Variants in DNM1 observed in about 807,000 individuals in gnomAD.
DNM1 encodes the protein dynamin 1.
A neutral mutation model predicts 104.6 loss-of-function variants in DNM1; 29 were observed. The observed-to-expected ratio is 0.28, with a 90% CI of 0.21 to 0.38. DNM1 has a LOEUF of 0.38. Among genes scored for constraint, DNM1 ranks in the 10% least tolerant of loss-of-function variants. The pLI, the probability that DNM1 is intolerant of heterozygous loss-of-function variation, is 1.00. For missense variants in DNM1, 640 were observed against 1,189.4 expected (o/e 0.54, Z 6.79); for synonymous variants, 445 against 475.8 (o/e 0.94, Z 0.84).
rs1386702982 is a variant in DNM1, at chr9:128,220,991, TTC to T, written c.849+651_849+652del. On this transcript the variant is annotated intron_variant, in intron 6 of 21. Coordinates refer to ENST00000372923, the MANE Select transcript of DNM1 (RefSeq NM_004408.4). The surrounding 1 kb of genome is among the most constrained non-coding windows in gnomAD (Gnocchi z 5.2). The stretch of plus-strand genomic sequence containing the variant: ...TCTTTCTTTCTCTTTCTTTCTTTCT[TTC>T]CCTTCCTTCCTTCCTTCCTTCCTTT... 58 of 126,972 alleles carry T rather than the reference TTC, an allele frequency of 4.6e-4. No homozygotes were observed. The highest frequency in any genetic ancestry group is 1.7e-3 in the African/African-American group (47 of 28,306). The allele number at this position is 126,972 out of a possible 1,614,324, so 7.9% of individuals were successfully genotyped here.
At chr9:128,226,732 C>T (rs984993101) in intron 10 of DNM1, among the ~76,000 whole-genome samples, 3 of 152,166 alleles carry the variant, frequency 2.0e-5, no homozygotes, top group Admixed American at 6.5e-5. Context: ...GAGACAGGGG[C>T]GGTCTCTTTT....
At position 128,245,519 on chromosome 9, in the gene DNM1, A is replaced by C. The variant is rs1158110348; in HGVS notation, c.1672-875A>C. ...CCCTGGGACACAGCAGCCTACATACACATGTGCCCACACCGAGCACACACA... is the reference window on the plus strand; with the variant it reads ...CCCTGGGACACAGCAGCCTACATACCCATGTGCCCACACCGAGCACACACA... On this transcript the variant is annotated intron_variant, in intron 15 of 21. Coordinates refer to ENST00000372923, the MANE Select transcript of DNM1 (RefSeq NM_004408.4). This position sits in a 1 kb window ranked among gnomAD's most constrained non-coding sequence, Gnocchi z 5.2. Among the ~76,000 whole-genome samples, 1 of 152,022 alleles carries C rather than the reference A, an allele frequency of 6.6e-6. No homozygotes were observed. Among genetic ancestry groups the C allele is most frequent in the African/African-American group, 2.4e-5 (1 of 41,372 alleles).
At chr9:128,239,800 C>A in intron 13 of DNM1, 21 bp downstream of exon 13, 1 of 1,610,414 alleles carries the variant, frequency 6.2e-7, no homozygotes. Flanking sequence ...CCCAGCACCC[C>A]AGCCCGAGGG....
At chr9:128,235,982 A>G (rs1449376765) in intron 11 of DNM1, among the ~76,000 whole-genome samples, 1 of 151,928 alleles carries the variant, frequency 6.6e-6, no homozygotes, top group Non-Finnish European at 1.5e-5. Context: ...CAAAATGCTG[A>G]GATTACGAGC....
chr9:128,237,048 T>C (rs1836058276), intron 11 of DNM1, among the ~76,000 whole-genome samples: 1 of 152,186 alleles, frequency 6.6e-6, no homozygotes, highest in Admixed American at 6.5e-5. Flanking sequence ...CTCCTGTGTC[T>C]TCACCAGTTC....
intron 1 of DNM1, among the ~76,000 whole-genome samples, chr9:128,217,485 T>G (rs1490189307): frequency 6.6e-6 from 1 of 152,126 alleles, no homozygotes; most frequent in Non-Finnish European, 1.5e-5. Flanking sequence ...GGCGCGATCT[T>G]GGCTCACCGT....
chr9:128,217,469 T>A lies in DNM1; in HGVS notation c.162-762T>A, dbSNP rs10987936. The stretch of plus-strand genomic sequence containing the variant: ...TTTGCTCTTGTCGCCTAGGCTGGAG[T>A]GCAATGGCGCGATCTTGGCTCACCG... On this transcript the variant is annotated intron_variant, in intron 1 of 21. Coordinates refer to ENST00000372923, the MANE Select transcript of DNM1 (RefSeq NM_004408.4). 1.1e-3 allele frequency among the ~76,000 whole-genome samples: 160 copies of A among 152,168 alleles called. 4 individuals carry two copies. In the East Asian group the frequency reaches 0.027, roughly 26 times the overall value.
chr9:128,246,653 T>C, intron 16 of DNM1, 150 bp downstream of exon 16: 1 of 608,962 alleles, frequency 1.6e-6, no homozygotes, highest in Non-Finnish European at 3.0e-6. Flanking sequence ...GTTCCTGCTT[T>C]GAGCTAGACA....
At chr9:128,210,243 T>TG (rs1462745924) in intron 1 of DNM1, among the ~76,000 whole-genome samples, 2 of 152,012 alleles carry the variant, frequency 1.3e-5, no homozygotes, top group Non-Finnish European at 1.5e-5. Flanking sequence ...TTTGTGGAGA[T>TG]GGGGTCTCAC....
chr9:128,209,272 A>G (rs1424993348), intron 1 of DNM1, among the ~76,000 whole-genome samples: 1 of 152,146 alleles, frequency 6.6e-6, no homozygotes, highest in African/African-American at 2.4e-5. Context: ...CGTGGCCCAG[A>G]GGAGCTGGGA....
intron 15 of DNM1, 71 bp downstream of exon 15, chr9:128,242,416 G>T: frequency 2.3e-6 from 2 of 861,116 alleles, no homozygotes; most frequent in Non-Finnish European, 4.0e-6. Flanking sequence ...CCTCCCATGG[G>T]CTTGGAGTGG....
chr9:128,206,134 C>T (rs1046239929), intron 1 of DNM1, among the ~76,000 whole-genome samples: 3 of 152,258 alleles, frequency 2.0e-5, no homozygotes, highest in East Asian at 3.9e-4. Flanking sequence ...GGCTCAGTCC[C>T]CAGACTGGTG....
At chr9:128,250,639 GC>G in intron 20 of DNM1, 85 bp from the exon 21 acceptor site, 1 of 1,203,290 alleles carries the variant, frequency 8.3e-7, no homozygotes. Context: ...CATGGGCGTG[GC>G]CAGCACTGGG....
intron 21 of DNM1, 123 bp downstream of exon 21, chr9:128,251,063 CG>C: frequency 1.4e-6 from 1 of 728,846 alleles, no homozygotes; most frequent in South Asian, 1.6e-5. Context: ...CCCAGGCAAT[CG>C]GACTCTGGGT....
chr9:128,250,297 C>T lies in DNM1; in HGVS notation c.2259C>T (p.Pro753=). ...TCAACACGACCACCGTCAGCACGCC[C>T]ATGCCCCCGCCCGTGGACGACTCCT... ...GDINTTTVST[P]MPPPVDDSWL... is the part of the protein sequence containing the mutation. The change falls in exon 20 of 22, where the codon CCC becomes CCT. Residue 753 remains proline, a synonymous_variant. Transcript: ENST00000372923. The T allele has an allele frequency of 6.2e-7, 1 of 1,610,848 alleles. No individual in the cohort carries two copies. The highest frequency in any genetic ancestry group is 8.5e-7 in the Non-Finnish European group (1 of 1,178,626).
intron 10 of DNM1, among the ~76,000 whole-genome samples, chr9:128,228,913 G>T (rs539636731): frequency 6.6e-6 from 1 of 152,068 alleles, no homozygotes; most frequent in South Asian, 2.1e-4. Context: ...AACCTGGGAG[G>T]TGGAGGTTGC....
chr9:128,238,208 CTGTTTGTTTGTTTGTT>C (rs59218725), intron 11 of DNM1, among the ~76,000 whole-genome samples: 7 of 151,464 alleles, frequency 4.6e-5, no homozygotes, highest in East Asian at 3.9e-4. Context: ...TAAAAAGCCT[CTGTTTGTTTGTTTGTT>C]TGTTTGTTTG....
Position 128,232,214 on chromosome 9 carries a change from G to C in DNM1, c.1336-1807G>C, listed in dbSNP as rs1421713339. On this transcript the variant is annotated intron_variant, in intron 10 of 21. Coordinates refer to ENST00000372923, the MANE Select transcript of DNM1 (RefSeq NM_004408.4). ...CTCCTCCAAACTCTACCCTGGGAGGGAGCACTTGGGACCACCTCAGAGGAG... is the reference window on the plus strand; with the variant it reads ...CTCCTCCAAACTCTACCCTGGGAGGCAGCACTTGGGACCACCTCAGAGGAG... 8.1e-6 allele frequency: 3 copies of C among 372,042 alleles called. No homozygotes were observed. In the East Asian group the frequency reaches 2.3e-4, roughly 28 times the overall value. 23.0% of individuals were successfully genotyped at this position (372,042 alleles called of 1,614,324 possible).
chr9:128,251,119 C>G (rs1588460702), intron 21 of DNM1, 179 bp downstream of exon 21: 1 of 653,276 alleles, frequency 1.5e-6, no homozygotes, highest in Non-Finnish European at 2.8e-6. Flanking sequence ...GGAGCCTGCC[C>G]CCGAGGGAGC....
Sources: allele counts gnomAD v4.1 joint callset (sites outside exome capture counted in the v4.1 genomes callset), GRCh38; gene constraint gnomAD v4.1.1; non-coding constraint Gnocchi (gnomAD v3.1); transcripts MANE v1.5; gene names NCBI Gene and HGNC (gene_info 2026-07-23, HGNC 2026-07-21).